Variants in TBC1D5 observed in about 807,000 individuals in gnomAD.
The protein encoded by TBC1D5 is TBC1 domain family member 5, also known as TBC1 domain family, member 5.
In TBC1D5, 75 loss-of-function variants were observed where a neutral mutation model predicts 100.3. The ratio of observed to expected loss-of-function variants is 0.75; its 90% CI spans 0.62 to 0.91. TBC1D5 has a LOEUF of 0.91. TBC1D5 is among the 40% of genes least tolerant of loss of function. The pLI, the probability that TBC1D5 is intolerant of heterozygous loss-of-function variation, is 0.00. For missense variants in TBC1D5, 910 were observed against 942.4 expected, an observed-to-expected ratio of 0.97 and a Z score of 0.45; for synonymous variants, 323 against 325.6, an observed-to-expected ratio of 0.99 and a Z score of 0.09.
intron 4 of TBC1D5, among the ~76,000 whole-genome samples, chr3:17,417,461 G>A (rs527925854): frequency 1.3e-5 from 2 of 151,374 alleles, no homozygotes; most frequent in Admixed American, 1.3e-4. Context: ...TTGTTCTTGC[G>A]AATAGTTTAC....
rs1363926293 is a variant in TBC1D5 at position 17,352,683 on chromosome 3, C to CAAAAAAAAAAAAAAAAAA, written c.995+19391_995+19392insTTTTTTTTTTTTTTTTTT. Among the ~76,000 whole-genome samples the CAAAAAAAAAAAAAAAAAA allele has an allele frequency of 3.6e-4, 34 of 94,912 alleles. 1 individual carries two copies. The highest frequency in any genetic ancestry group is 4.3e-4 in the Non-Finnish European group (21 of 48,596). 62.3% of individuals were successfully genotyped at this position (94,912 alleles called of 152,430 possible). ...TCTAACTACAATACAAAGCAAAAGG[C>CAAAAAAAAAAAAAAAAAA]AAAAAAAAAAAAAAAACAAAAAAAC... On this transcript the variant is annotated intron_variant, in intron 13 of 21. Transcript: ENST00000253692.
intron 1 of TBC1D5, among the ~76,000 whole-genome samples, chr3:17,642,693 C>T (rs774353249): frequency 6.6e-6 from 1 of 152,108 alleles, no homozygotes; most frequent in Non-Finnish European, 1.5e-5. Flanking sequence ...GCAACAAGTG[C>T]TGAGTCTATC....
intron 2 of TBC1D5, among the ~76,000 whole-genome samples, chr3:17,569,823 TATC>T (rs1286474468): frequency 6.6e-6 from 1 of 151,636 alleles, no homozygotes; most frequent in African/African-American, 2.4e-5. Context: ...TAGCAATAAA[TATC>T]ATTTTCATCT....
intron 19 of TBC1D5, among the ~76,000 whole-genome samples, chr3:17,174,662 C>T (rs903790592): frequency 2.6e-5 from 4 of 152,066 alleles, no homozygotes; most frequent in Admixed American, 1.3e-4. Flanking sequence ...GGCACAATCT[C>T]GACTCGCTGC....
intron 2 of TBC1D5, among the ~76,000 whole-genome samples, chr3:17,600,738 A>G (rs923257682): frequency 6.6e-6 from 1 of 152,188 alleles, no homozygotes; most frequent in African/African-American, 2.4e-5. Flanking sequence ...CTGGAAATTC[A>G]GTAAAAGCTC....
intron 1 of TBC1D5, among the ~76,000 whole-genome samples, chr3:17,679,608 A>G (rs1431940848): frequency 6.6e-6 from 1 of 151,506 alleles, no homozygotes; most frequent in Non-Finnish European, 1.5e-5. Context: ...AAATTTTTCA[A>G]CTAAATATCT....
intron 3 of TBC1D5, among the ~76,000 whole-genome samples, chr3:17,429,725 G>A (rs1296548301): frequency 6.6e-6 from 1 of 151,784 alleles, no homozygotes; most frequent in African/African-American, 2.4e-5. Context: ...ACTGAATGCT[G>A]AAATGTAATT....
chr3:17,676,325 G>A (rs2068626717), intron 1 of TBC1D5, among the ~76,000 whole-genome samples: 1 of 151,998 alleles, frequency 6.6e-6, no homozygotes, highest in Admixed American at 6.6e-5. Context: ...AACTTAACGT[G>A]CAAAAATCAC....
intron 13 of TBC1D5, among the ~76,000 whole-genome samples, chr3:17,318,897 T>G (rs1254938378): frequency 6.6e-6 from 1 of 152,186 alleles, no homozygotes; most frequent in Non-Finnish European, 1.5e-5. Flanking sequence ...TGCTAGTTCA[T>G]GAGTACCCCA....
At chr3:17,406,478 T>C (rs754766095) in exon 5 of TBC1D5, 3 of 1,612,198 alleles carry the variant, frequency 1.9e-6, no homozygotes, top group Non-Finnish European at 1.7e-6. Flanking sequence ...CCTTCTGCCT[T>C]ATTGTTGCCA....
At chr3:17,433,032 C>T (rs1171376626) in intron 3 of TBC1D5, among the ~76,000 whole-genome samples, 2 of 42,050 alleles carry the variant, frequency 4.8e-5, no homozygotes, top group East Asian at 4.3e-4. Context: ...GCCCTTGCCC[C>T]ACCCACCCCA....
At chr3:17,385,473 C>T (rs748364340) in intron 8 of TBC1D5, among the ~76,000 whole-genome samples, 2 of 152,026 alleles carry the variant, frequency 1.3e-5, no homozygotes, top group Non-Finnish European at 2.9e-5. Flanking sequence ...AAGACCTCAG[C>T]TATTTTATGC....
chr3:17,500,296 C>CT lies in TBC1D5; in HGVS notation c.97+8177dup, dbSNP rs1389585810. ...AAACATCAGAAGTAAGACCAGAGGACTTTTTTTTTCAAATTTTAAGGATCT... is the reference window on the plus strand; with the variant it reads ...AAACATCAGAAGTAAGACCAGAGGACTTTTTTTTTTCAAATTTTAAGGATCT... On this transcript the variant is annotated intron_variant, in intron 3 of 21. Transcript: ENST00000253692. Among the ~76,000 whole-genome samples the CT allele has an allele frequency of 5.4e-5, 8 of 147,578 alleles. 1 individual carries two copies. Among genetic ancestry groups the CT allele is most frequent in the South Asian group, 4.3e-4 (2 of 4,660 alleles).
In TBC1D5 at chr3:17,445,370, C is replaced by T. The variant is rs146786984; in HGVS notation, c.98-16851G>A. 5.4e-4 allele frequency among the ~76,000 whole-genome samples: 82 copies of T among 151,880 alleles called. 1 individual carries two copies. In the East Asian group the frequency reaches 0.013, roughly 25 times the overall value. On this transcript the variant is annotated intron_variant, in intron 3 of 21. Transcript: ENST00000253692. ...TGAAGAACCATAAAAAAAAAAGTCC[C>T]GTCTGCCATAGACAATACTTTTGTG...
chr3:17,290,948 G>C (rs1407239691), intron 15 of TBC1D5, among the ~76,000 whole-genome samples: 2 of 152,124 alleles, frequency 1.3e-5, no homozygotes, highest in Non-Finnish European at 2.9e-5. Context: ...TATACTAAAA[G>C]GTTGAAGTCA....
At chr3:17,164,043 G>A (rs1345445193) in intron 21 of TBC1D5, among the ~76,000 whole-genome samples, 1 of 152,190 alleles carries the variant, frequency 6.6e-6, no homozygotes, top group South Asian at 2.1e-4. Context: ...AATGTGTGAG[G>A]ATAGATGCTG....
chr3:17,421,366 A>G (rs2094203704), intron 4 of TBC1D5, among the ~76,000 whole-genome samples: 1 of 152,210 alleles, frequency 6.6e-6, no homozygotes, highest in Non-Finnish European at 1.5e-5. Flanking sequence ...TTCTTGAACA[A>G]ATCTAAGAAC....
intron 17 of TBC1D5, among the ~76,000 whole-genome samples, chr3:17,222,637 A>G (rs1370248137): frequency 6.6e-6 from 1 of 152,184 alleles, no homozygotes; most frequent in Non-Finnish European, 1.5e-5. Flanking sequence ...TATCTTATAA[A>G]CAAACTTTCT....
chr3:17,412,670 T>G (rs2149124097), intron 4 of TBC1D5, among the ~76,000 whole-genome samples: 1 of 152,266 alleles, frequency 6.6e-6, no homozygotes, highest in Middle Eastern at 3.4e-3. Flanking sequence ...ATCGAAATGC[T>G]TTTAAAAGAC....
Sources: gnomAD v4.1 joint callset for allele counts (sites outside exome capture counted in the v4.1 genomes callset) on GRCh38, gnomAD v4.1.1 for gene constraint, MANE v1.5 for transcripts, NCBI Gene and HGNC (gene_info 2026-07-23, HGNC 2026-07-21) for gene names.